Variants in FAM135B observed in about 807,000 individuals in gnomAD.
The protein encoded by FAM135B is protein FAM135B.
In FAM135B, 43 loss-of-function variants were observed where a neutral mutation model predicts 127.7. The observed-to-expected ratio is 0.34, with a 90% CI of 0.26 to 0.43. FAM135B has a LOEUF of 0.43. Among genes scored for constraint, FAM135B ranks in the 20% least tolerant of loss-of-function variants. The probability of loss-of-function intolerance (pLI) is 1.00; values close to 1 mark genes in which losing one functional copy is unlikely to be tolerated. For synonymous variants in FAM135B, 670 were observed against 665.1 expected (o/e 1.01, Z -0.11); for missense variants, 1,558 against 1,725.6 (o/e 0.90, Z 1.72).
intron 1 of FAM135B, among the ~76,000 whole-genome samples, chr8:138,389,477 T>C (rs1832413688): frequency 6.6e-6 from 1 of 152,206 alleles, no homozygotes; most frequent in South Asian, 2.1e-4. Flanking sequence ...CAGTAGGATA[T>C]TATTCAGCCA....
At chr8:138,327,664 C>G (rs1434075023) in intron 2 of FAM135B, among the ~76,000 whole-genome samples, 2 of 152,198 alleles carry the variant, frequency 1.3e-5, no homozygotes, top group Admixed American at 6.5e-5. Flanking sequence ...GGCACCAAAA[C>G]AGTGGCTGAG....
At chr8:138,309,858 C>CTTTTTTTTTTTTTTTTTT (rs145453026) in intron 3 of FAM135B, among the ~76,000 whole-genome samples, 1 of 86,788 alleles carries the variant, frequency 1.2e-5, no homozygotes, top group East Asian at 3.4e-4. Context: ...AGTCTTTCTA[C>CTTTTTTTTTTTTTTTTTT]TTTTTTTTTT....
intron 19 of FAM135B, 143 bp downstream of exon 19, chr8:138,137,004 G>T: frequency 1.6e-6 from 1 of 622,298 alleles, no homozygotes; most frequent in Non-Finnish European, 2.9e-6. Flanking sequence ...ATCGAGATGA[G>T]CTATGTTTGT....
intron 1 of FAM135B, among the ~76,000 whole-genome samples, chr8:138,489,212 C>T (rs959045206): frequency 1.3e-5 from 2 of 152,184 alleles, no homozygotes; most frequent in African/African-American, 4.8e-5. Flanking sequence ...CAAAACAGAA[C>T]TCATCATTTC....
intron 1 of FAM135B, among the ~76,000 whole-genome samples, chr8:138,460,713 T>C (rs1837072042): frequency 6.6e-6 from 1 of 151,822 alleles, no homozygotes; most frequent in Non-Finnish European, 1.5e-5. Flanking sequence ...GGAAGGATTT[T>C]TTTTTCTATA....
At position 138,458,361 on chromosome 8, in the gene FAM135B, T is replaced by C. The variant is rs531033956; in HGVS notation, c.-20+38310A>G. On this transcript the variant is annotated intron_variant, in intron 1 of 19. Transcript: ENST00000395297. Reference sequence around the variant, plus strand: ...CAAATTCACAAATAAATGTAGTCTGTCAGGAGTCAAAATGACACATCAGAA... The same window carrying C: ...CAAATTCACAAATAAATGTAGTCTGCCAGGAGTCAAAATGACACATCAGAA... 1.2e-3 allele frequency among the ~76,000 whole-genome samples: 183 copies of C among 152,306 alleles called. 1 individual carries two copies. The highest frequency in any genetic ancestry group is 4.1e-3 in the African/African-American group (171 of 41,568).
intron 12 of FAM135B, among the ~76,000 whole-genome samples, chr8:138,158,422 A>G (rs1343894851): frequency 1.3e-5 from 2 of 152,238 alleles, no homozygotes; most frequent in East Asian, 3.8e-4. Context: ...CACCAAAAGC[A>G]ATGGCAACAA....
At chr8:138,432,454 T>C (rs961815813) in intron 1 of FAM135B, among the ~76,000 whole-genome samples, 1 of 151,984 alleles carries the variant, frequency 6.6e-6, no homozygotes, top group African/African-American at 2.4e-5. Flanking sequence ...AACAACAGTC[T>C]CTAATATCAT....
At chr8:138,232,341 A>T (rs928241636) in intron 7 of FAM135B, among the ~76,000 whole-genome samples, 4 of 152,232 alleles carry the variant, frequency 2.6e-5, no homozygotes, top group Non-Finnish European at 5.9e-5. Context: ...GGTGTGGAGC[A>T]TGGCTTCAGA....
intron 1 of FAM135B, among the ~76,000 whole-genome samples, chr8:138,393,890 G>T (rs1832724000): frequency 6.6e-6 from 1 of 152,142 alleles, no homozygotes; most frequent in Non-Finnish European, 1.5e-5. Flanking sequence ...TGGAACCCAG[G>T]CCTTCCACAA....
chr8:138,365,585 A>T (rs994821067), intron 2 of FAM135B, among the ~76,000 whole-genome samples: 1 of 152,196 alleles, frequency 6.6e-6, no homozygotes, highest in Non-Finnish European at 1.5e-5. Flanking sequence ...TACTGTGTGT[A>T]TCAATAGGCT....
intron 1 of FAM135B, among the ~76,000 whole-genome samples, chr8:138,402,496 A>G (rs1396021178): frequency 6.6e-6 from 1 of 152,214 alleles, no homozygotes; most frequent in African/African-American, 2.4e-5. Flanking sequence ...TCAAATAACC[A>G]TTATAAACAA....
chr8:138,354,818 T>C (rs1187053949), intron 2 of FAM135B, among the ~76,000 whole-genome samples: 1 of 152,108 alleles, frequency 6.6e-6, no homozygotes, highest in Non-Finnish European at 1.5e-5. Flanking sequence ...CACATTCCTT[T>C]TGAGGAGGAA....
At chr8:138,148,469 T>C (rs1388220047) in intron 14 of FAM135B, 51 bp downstream of exon 14, 18 of 1,429,362 alleles carry the variant, frequency 1.3e-5, no homozygotes, top group Non-Finnish European at 1.6e-5. Flanking sequence ...ATAAATATTA[T>C]AAGTTGTATA....
intron 1 of FAM135B, among the ~76,000 whole-genome samples, chr8:138,486,860 G>A (rs6577926): frequency 0.69 from 104,192 of 151,788 alleles, 39,536 homozygotes; most frequent in East Asian, 0.84. Flanking sequence ...CCTAGTAACT[G>A]CCCAGGGTCC....
Position 138,423,888 on chromosome 8 carries a change from T to C in FAM135B, c.-19-55886A>G, listed in dbSNP as rs545140409. 7.2e-5 allele frequency among the ~76,000 whole-genome samples: 11 copies of C among 152,252 alleles called. No homozygotes were observed. The East Asian group carries it at 2.1e-3, about 29-fold the overall frequency. ...CATTTTAGAGGCCTACCCTCAGGGG[T>C]GCATTCTCTTTCTCAGGGATGTTCC... is the stretch of plus-strand genomic sequence containing the variant. On this transcript the variant is annotated intron_variant, in intron 1 of 19. Coordinates refer to ENST00000395297, the MANE Select transcript of FAM135B (RefSeq NM_015912.4).
At chr8:138,205,077 C>T (rs1817452008) in intron 7 of FAM135B, among the ~76,000 whole-genome samples, 1 of 152,122 alleles carries the variant, frequency 6.6e-6, no homozygotes, top group Non-Finnish European at 1.5e-5. Flanking sequence ...ATTATTATCC[C>T]ATTTTCACTG....
At chr8:138,463,952 G>C (rs529215435) in intron 1 of FAM135B, among the ~76,000 whole-genome samples, 2 of 152,314 alleles carry the variant, frequency 1.3e-5, no homozygotes, top group Non-Finnish European at 2.9e-5. Context: ...CTGCATTTTT[G>C]AGTTGTATGA....
At position 138,141,294 on chromosome 8, in the gene FAM135B, G is replaced by A. The variant is rs768874642; in HGVS notation, c.3694C>T (p.Arg1232Trp). The change falls in exon 17 of 20, where the codon CGG becomes TGG. Residue 1232 changes from arginine (R) to tryptophan (W), a missense_variant. By Grantham distance (101) the Arg-to-Trp change is moderately radical. Transcript: ENST00000395297. This position sits in a 1 kb window ranked among gnomAD's most constrained non-coding sequence, Gnocchi z 4.7. ...AGTTTGTTGAGGTAATACCGGAACCGGGGCCGTGTGAGGACCGATCGGATG... is the reference window on the plus strand; with the variant it reads ...AGTTTGTTGAGGTAATACCGGAACCAGGGCCGTGTGAGGACCGATCGGATG... ...IIIRSVLTRP[R>W]FRYYLNKLHT... 1.9e-6 allele frequency: 3 copies of A among 1,614,096 alleles called. No homozygotes were observed. The highest frequency in any genetic ancestry group is 2.5e-6 in the Non-Finnish European group (3 of 1,179,992).
Sources: allele counts gnomAD v4.1 joint callset (sites outside exome capture counted in the v4.1 genomes callset), GRCh38; gene constraint gnomAD v4.1.1; non-coding constraint Gnocchi (gnomAD v3.1); transcripts MANE v1.5; gene names NCBI Gene and HGNC (gene_info 2026-07-23, HGNC 2026-07-21).